Variants in MAP10 observed in about 807,000 individuals in gnomAD.
MAP10 encodes the protein microtubule associated protein 10.
In MAP10, 10 loss-of-function variants were observed where a neutral mutation model predicts 6.3. The observed-to-expected ratio is 1.58, with a 90% CI of 0.98 to 2.69. The LOEUF (loss-of-function observed/expected upper bound fraction) is 2.69, where lower values mean the gene tolerates loss of function less well. Among genes scored for constraint, MAP10 ranks in the 30% most tolerant of loss-of-function variants. The pLI is 0.00. For missense variants in MAP10, 1,189 were observed against 1,086.5 expected, an observed-to-expected ratio of 1.09 and a Z score of -1.33; for synonymous variants, 459 against 429.3, an observed-to-expected ratio of 1.07 and a Z score of -0.86.
rs1443709259 is a variant in MAP10, at chr1:232,806,024, T to A, written c.575T>A (p.Leu192His). ...TDLGSRLLSQLERPLTFTRTG... is the reference protein window; with the variant it reads ...TDLGSRLLSQHERPLTFTRTG... ...CTGGGAAGCCGCCTGCTGAGCCAAC[T>A]TGAGCGGCCCCTCACCTTCACCCGC... The change falls in exon 1 of 1, where the codon CTT becomes CAT. Residue 192 changes from leucine (L) to histidine (H), a missense_variant. Physicochemically the swap from Leu to His is moderately conservative, Grantham distance 99 (BLOSUM62 -3). Coordinates refer to ENST00000418460, the MANE Select transcript of MAP10 (RefSeq NM_019090.3). 4.5e-5 allele frequency: 73 copies of A among 1,613,712 alleles called. No individual in the cohort carries two copies. The highest frequency in any genetic ancestry group is 6.1e-5 in the Non-Finnish European group (72 of 1,179,866).
Position 232,805,564 on chromosome 1 carries a change from G to GAGGAGGAAA in MAP10, c.121_129dup (p.Glu41_Glu43dup). The GAGGAGGAAA allele has an allele frequency of 6.4e-7, 1 of 1,558,148 alleles. No homozygotes were observed. ...TGCCGCAGTGGAGCAGGAGGAGGAA[G>GAGGAGGAAA]AGGAGGAAAAGGAGCAGGGGGAGGC... On this transcript the variant is annotated inframe_insertion, in exon 1 of 1. Transcript: ENST00000418460.
chr1:232,806,974 C>T lies in MAP10; in HGVS notation c.1525C>T (p.Leu509=). The change falls in exon 1 of 1, where the codon CTG becomes TTG. Residue 509 remains leucine (L), a synonymous_variant. Coordinates refer to ENST00000418460, the MANE Select transcript of MAP10 (RefSeq NM_019090.3). ...AAATACACTAAGACTACGTTTAAAG[C>T]TGACAAATCCTGATATGTTGGTGGT... ...LTNTLRLRLK[L]TNPDMLVVHE... The T allele has an allele frequency of 6.2e-7, 1 of 1,612,538 alleles. No homozygotes were observed. Among genetic ancestry groups the T allele is most frequent in the Non-Finnish European group, 8.5e-7 (1 of 1,179,508 alleles).
Position 232,807,148 on chromosome 1 carries a change from G to A in MAP10, c.1699G>A (p.Ala567Thr), listed in dbSNP as rs565111736. ...LPEDKYLDSD[A>T]SFTENSDTSR... ...TGAAGATAAGTATTTAGATTCAGAT[G>A]CATCTTTCACTGAAAATAGTGATAC... The change falls in exon 1 of 1, where the codon GCA becomes ACA. Residue 567 changes from alanine to threonine, a missense_variant. Ala to Thr is a moderately conservative substitution (Grantham distance 58). Coordinates refer to ENST00000418460, the MANE Select transcript of MAP10 (RefSeq NM_019090.3). 1.2e-6 allele frequency: 2 copies of A among 1,612,524 alleles called. No individual in the cohort carries two copies. The highest frequency in any genetic ancestry group is 2.2e-5 in the South Asian group (2 of 90,828).
In MAP10 at chr1:232,806,521, G is replaced by A. The variant is rs747225953; in HGVS notation, c.1072G>A (p.Ala358Thr). ...GAGTTGTCTAAAGCATCCAAGTTCT[G>A]CAGCACACGAACATCCTCCAATGCT... ...HRSCLKHPSS[A>T]AHEHPPMLVN... is the part of the protein sequence containing the mutation. Residue 358 changes from alanine (A) to threonine (T), a missense_variant, in exon 1 of 1, where the codon GCA becomes ACA. Transcript: ENST00000418460. 4.3e-6 allele frequency: 7 copies of A among 1,613,900 alleles called. No individual in the cohort carries two copies. In the East Asian group the frequency reaches 1.6e-4, roughly 36 times the overall value.
rs1571897640 is a variant in MAP10, at chr1:232,808,491, A to G, written c.*324A>G. 1.0e-5 allele frequency: 2 copies of G among 190,690 alleles called. No individual in the cohort carries two copies. The highest frequency in any genetic ancestry group is 3.0e-4 in the East Asian group (2 of 6,642). The allele number at this position is 190,690 out of a possible 1,614,324, so 11.8% of individuals were successfully genotyped here. A position where few individuals can be genotyped will look rare whatever the true frequency, so the allele number is the denominator to read the frequency against. On this transcript the variant is annotated 3_prime_UTR_variant, in exon 1 of 1. Transcript: ENST00000418460. ...ACACCACTGAAAAAGAAGGCTAGTT[A>G]GTAAGGACAGCCTCAAATTTTAATT...
rs763414380 is a variant in MAP10, at chr1:232,806,023, C to T, written c.574C>T (p.Leu192Phe). ...CCTGGGAAGCCGCCTGCTGAGCCAA[C>T]TTGAGCGGCCCCTCACCTTCACCCG... ...TDLGSRLLSQ[L>F]ERPLTFTRTG... The change falls in exon 1 of 1, where the codon CTT becomes TTT. Residue 192 changes from leucine to phenylalanine, a missense_variant. Leu to Phe is a conservative substitution (Grantham distance 22, BLOSUM62 0). Transcript: ENST00000418460. 6 of 1,613,960 alleles carry T rather than the reference C, an allele frequency of 3.7e-6. No individual in the cohort carries two copies. The highest frequency in any genetic ancestry group is 3.3e-5 in the South Asian group (3 of 91,084).
rs759116709 is a variant in MAP10 at position 232,807,979 on chromosome 1, C to G, written c.2530C>G (p.Gln844Glu). 1.9e-6 allele frequency: 3 copies of G among 1,613,004 alleles called. No homozygotes were observed. The highest frequency in any genetic ancestry group is 3.3e-4 in the Middle Eastern group (2 of 6,060). Residue 844 changes from glutamine to glutamate, a missense_variant, in exon 1 of 1, where the codon CAG (glutamine) becomes GAG (glutamate). Gln to Glu is a conservative substitution (Grantham distance 29, BLOSUM62 2). Transcript: ENST00000418460. ...RSSWKSLEKS[Q>E]SPQTSQVSSY... The stretch of plus-strand genomic sequence containing the variant: ...TAGTTGGAAATCTTTAGAAAAAAGC[C>G]AGTCACCACAAACATCCCAGGTGAG...
the MAP10 span, chr1:232,806,201 AAAGT>A: frequency 6.2e-6 from 10 of 1,613,980 alleles, no homozygotes; most frequent in Non-Finnish European, 8.5e-6. Flanking sequence ...GAAATGGTTA[AAAGT>A]AAGGCCGAAT....
At position 232,807,042 on chromosome 1, in the gene MAP10, G is replaced by T; in HGVS notation, c.1593G>T (p.Met531Ile). The T allele has an allele frequency of 1.2e-6, 2 of 1,613,058 alleles. No homozygotes were observed. The highest frequency in any genetic ancestry group is 1.7e-6 in the Non-Finnish European group (2 of 1,179,582). ...TATATAGAAAAAGACAATCACAAAT[G>T]TTGGGTACAAAATTCAGAATTCCGT... The part of the protein sequence containing the change: ...RELYRKRQSQ[M>I]LGTKFRIPSS... The change falls in exon 1 of 1, where the codon ATG becomes ATT. Residue 531 changes from methionine (M) to isoleucine (I), a missense_variant. Physicochemically the swap from Met to Ile is conservative, Grantham distance 10. Transcript: ENST00000418460.
rs751823201 is a variant in MAP10 at position 232,807,690 on chromosome 1, A to G, written c.2241A>G (p.Thr747=). Residue 747 remains threonine (T), a synonymous_variant, in exon 1 of 1, where the codon ACA becomes ACG. Transcript: ENST00000418460. ...AATATACAAGCAAGTCTAGTGACAC[A>G]GGAGTGTCCAAAAAGAAAAATAGTA... The part of the protein sequence containing the change: ...HSQYTSKSSD[T]GVSKKKNSSD... 5.0e-6 allele frequency: 8 copies of G among 1,613,464 alleles called. No individual in the cohort carries two copies. The highest frequency in any genetic ancestry group is 6.8e-6 in the Non-Finnish European group (8 of 1,179,624).
rs1254101381 is a variant in MAP10 at position 232,805,803 on chromosome 1, G to A, written c.354G>A (p.Leu118=). 3.1e-6 allele frequency: 5 copies of A among 1,596,304 alleles called. No individual in the cohort carries two copies. The highest frequency in any genetic ancestry group is 4.3e-6 in the Non-Finnish European group (5 of 1,172,064). The change falls in exon 1 of 1, where the codon CTG becomes CTA. Residue 118 remains leucine, a synonymous_variant. Transcript: ENST00000418460. ...LLRTPLATLL[L]QLPPGRPTPT... is the part of the protein sequence containing the mutation. ...GGACCCCGCTTGCCACCTTGCTGCT[G>A]CAGCTGCCCCCTGGGCGCCCGACGC...
chr1:232,805,699 C>A lies in MAP10; in HGVS notation c.250C>A (p.Pro84Thr). Residue 84 changes from proline (P) to threonine (T), a missense_variant, in exon 1 of 1, where the codon CCC (proline) becomes ACC (threonine). Transcript: ENST00000418460. ...GPGAPAAEPWPGVIRFGRGKS... is the reference protein window; with the variant it reads ...GPGAPAAEPWTGVIRFGRGKS... ...CGGCGCTCCCGCCGCCGAACCGTGG[C>A]CCGGTGTCATCCGCTTCGGTCGCGG... 1 of 1,604,252 alleles carries A rather than the reference C, an allele frequency of 6.2e-7. No homozygotes were observed.
In MAP10 at chr1:232,808,429, G is replaced by A. The variant is rs541209863; in HGVS notation, c.*262G>A. 2 of 287,826 alleles carry A rather than the reference G, an allele frequency of 6.9e-6. No individual in the cohort carries two copies. Among genetic ancestry groups the A allele is most frequent in the South Asian group, 1.7e-4 (2 of 11,450 alleles). 17.8% of individuals were successfully genotyped at this position (287,826 alleles called of 1,614,324 possible). A position where few individuals can be genotyped will look rare whatever the true frequency, so the allele number is the denominator to read the frequency against. ...TAAATTGTCTCTCTTAAAGTGTCTA[G>A]TCTACAGTATTGATCATTCTAAAGC... On this transcript the variant is annotated 3_prime_UTR_variant, in exon 1 of 1. Coordinates refer to ENST00000418460, the MANE Select transcript of MAP10 (RefSeq NM_019090.3).
At chr1:232,807,917 CAA>C in the MAP10 span, 1 of 1,613,430 alleles carries the variant, frequency 6.2e-7, no homozygotes, top group Non-Finnish European at 8.5e-7. Flanking sequence ...TCTGAAATTA[CAA>C]AGAGAGCTCA....
chr1:232,809,076 T>A lies in MAP10; in HGVS notation c.*909T>A, dbSNP rs930892468. On this transcript the variant is annotated 3_prime_UTR_variant, in exon 1 of 1. Transcript: ENST00000418460. Reference sequence around the variant, plus strand: ...AAGGGAAACTTAAGAAGGTATCTTTTATACAGTTTCTGATATAGGAGTTCA... The same window carrying A: ...AAGGGAAACTTAAGAAGGTATCTTTAATACAGTTTCTGATATAGGAGTTCA... Among the ~76,000 whole-genome samples the A allele has an allele frequency of 7.2e-5, 11 of 152,150 alleles. No individual in the cohort carries two copies. The highest frequency in any genetic ancestry group is 7.2e-4 in the Admixed American group (11 of 15,280).
chr1:232,805,728 G>A lies in MAP10; in HGVS notation c.279G>A (p.Lys93=), dbSNP rs1335795096. 2 of 1,604,402 alleles carry A rather than the reference G, an allele frequency of 1.2e-6. No homozygotes were observed. Among genetic ancestry groups the A allele is most frequent in the African/African-American group, 2.7e-5 (2 of 74,896 alleles). ...GTGTCATCCGCTTCGGTCGCGGCAA[G>A]TCCTGCCTCTTCCGCCTGCAGCCTG... ...WPGVIRFGRG[K]SCLFRLQPAT... Residue 93 remains lysine, a synonymous_variant, in exon 1 of 1, where the codon AAG becomes AAA. Transcript: ENST00000418460.
chr1:232,807,658 CAT>C, the MAP10 span: 19 of 1,611,774 alleles, frequency 1.2e-5, no homozygotes, highest in Non-Finnish European at 1.6e-5. Context: ...AAATCCAAAA[CAT>C]AGTCAATATA....
At position 232,805,567 on chromosome 1, in the gene MAP10, G is replaced by A; in HGVS notation, c.118G>A (p.Glu40Lys). 6 of 1,557,008 alleles carry A rather than the reference G, an allele frequency of 3.9e-6. No homozygotes were observed. Among genetic ancestry groups the A allele is most frequent in the Non-Finnish European group, 5.2e-6 (6 of 1,151,408 alleles). Residue 40 changes from glutamate (E) to lysine (K), a missense_variant, in exon 1 of 1, where the codon GAG (glutamate) becomes AAG (lysine). Glu to Lys is a moderately conservative substitution (Grantham distance 56, BLOSUM62 1). Coordinates refer to ENST00000418460, the MANE Select transcript of MAP10 (RefSeq NM_019090.3). ...CGCAGTGGAGCAGGAGGAGGAAGAG[G>A]AGGAAAAGGAGCAGGGGGAGGCCTC... Reference protein sequence around the residue: ...AAAVEQEEEEEEKEQGEASSP... With the variant: ...AAAVEQEEEEKEKEQGEASSP...
rs61746495 is a variant in MAP10, at chr1:232,805,782, C to G, written c.333C>G (p.Thr111=). ...CCCTGCACTGCCGGCTCCTGCGGAC[C>G]CCGCTTGCCACCTTGCTGCTGCAGC... ...PATLHCRLLR[T]PLATLLLQLP... Residue 111 remains threonine, a synonymous_variant, in exon 1 of 1, where the codon ACC becomes ACG. Transcript: ENST00000418460. 5.5e-5 allele frequency: 88 copies of G among 1,599,064 alleles called. No individual in the cohort carries two copies. The African/African-American group carries it at 1.1e-3, about 19-fold the overall frequency.
Sources: gnomAD v4.1 joint callset for allele counts (sites outside exome capture counted in the v4.1 genomes callset) on GRCh38, gnomAD v4.1.1 for gene constraint, MANE v1.5 for transcripts, NCBI Gene and HGNC (gene_info 2026-07-23, HGNC 2026-07-21) for gene names.